The following ANXA6 variants were observed in gnomAD, a reference collection of about 807,000 sequenced individuals.
The protein encoded by ANXA6 is annexin A6.
ANXA6 carries 71 observed loss-of-function variants against 95.4 expected under a neutral mutation model. That is an observed-to-expected ratio of 0.74 (90% CI 0.61 to 0.91). ANXA6 has a LOEUF of 0.91. Among genes scored for constraint, ANXA6 ranks in the 40% least tolerant of loss-of-function variants. The pLI, the probability that ANXA6 is intolerant of heterozygous loss-of-function variation, is 0.00. For synonymous variants in ANXA6, 289 were observed against 315.9 expected, an observed-to-expected ratio of 0.91 and a Z score of 0.90; for missense variants, 830 against 876.4, an observed-to-expected ratio of 0.95 and a Z score of 0.67.
At chr5:151,122,885 G>A in intron 16 of ANXA6, 32 bp downstream of exon 16, 1 of 1,594,382 alleles carries the variant, frequency 6.3e-7, no homozygotes, top group Non-Finnish European at 8.6e-7. Flanking sequence ...GTGCATGCAT[G>A]TTGCACAGAG....
chr5:151,109,920 G>T, intron 21 of ANXA6, 74 bp from the exon 22 acceptor site: 1 of 1,192,086 alleles, frequency 8.4e-7, no homozygotes, highest in Non-Finnish European at 1.2e-6. Context: ...TCACTTTCAT[G>T]TCTTTGCCTG....
chr5:151,105,198 TGTAA>T, intron 24 of ANXA6, 43 bp downstream of exon 24: 1 of 1,543,848 alleles, frequency 6.5e-7, no homozygotes, highest in Admixed American at 1.7e-5. Flanking sequence ...TGTGTGTGTA[TGTAA>T]GTCAGTGCTT....
intron 2 of ANXA6, 82 bp from the exon 3 acceptor site, chr5:151,140,325 A>AC (rs1209962073): frequency 8.5e-7 from 1 of 1,180,056 alleles, no homozygotes; most frequent in Non-Finnish European, 1.2e-6. Context: ...TCAGATGCCT[A>AC]CCCTGGTCCA....
intron 22 of ANXA6, 120 bp downstream of exon 22, chr5:151,109,633 T>C: frequency 2.7e-6 from 2 of 748,572 alleles, no homozygotes; most frequent in Admixed American, 2.1e-5. Flanking sequence ...GACACGCTAC[T>C]GCTGGGTTAA....
At chr5:151,138,289 C>T (rs916165603) in intron 5 of ANXA6, among the ~76,000 whole-genome samples, 8 of 152,174 alleles carry the variant, frequency 5.3e-5, no homozygotes, top group African/African-American at 1.7e-4. Flanking sequence ...CACTGCTATC[C>T]ACCAAATCCT....
In ANXA6 at chr5:151,100,953, C is replaced by T; in HGVS notation, c.*495G>A. The T allele has an allele frequency of 2.2e-6, 1 of 456,828 alleles. No individual in the cohort carries two copies. Among genetic ancestry groups the T allele is most frequent in the South Asian group, 1.5e-5 (1 of 64,574 alleles). 28.3% of individuals were successfully genotyped at this position (456,828 alleles called of 1,614,324 possible). On this transcript the variant is annotated 3_prime_UTR_variant, in exon 26 of 26. Transcript: ENST00000354546. ...GCATCCAAATTCCTGGTCCAGTACT[C>T]TAGCGCGGCCTGGATGGAGATGGGT...
rs776842397 is a variant in ANXA6 at position 151,128,224 on chromosome 5, C to T, written c.934G>A (p.Glu312Lys). 7.4e-6 allele frequency: 12 copies of T among 1,611,544 alleles called. No homozygotes were observed. The highest frequency in any genetic ancestry group is 2.2e-5 in the East Asian group (1 of 44,848). Residue 312 changes from glutamate to lysine, a missense_variant, in exon 13 of 26, where the codon GAG (glutamate) becomes AAG (lysine). Coordinates refer to ENST00000354546, the MANE Select transcript of ANXA6 (RefSeq NM_001155.5). ...YSMIKNDTSGEYKKTLLKLSG... is the reference protein window; with the variant it reads ...YSMIKNDTSGKYKKTLLKLSG... ...AGCTTCAGCAGAGTCTTCTTGTACT[C>T]GCCAGAGGTGTCATTCTGAAGAGAA...
intron 2 of ANXA6, among the ~76,000 whole-genome samples, chr5:151,147,414 C>A (rs1314022850): frequency 6.6e-6 from 1 of 152,220 alleles, no homozygotes; most frequent in Non-Finnish European, 1.5e-5. Context: ...CAATGAGAAC[C>A]AGACCTGGGC....
At chr5:151,123,379 T>A (rs955572839) in intron 15 of ANXA6, among the ~76,000 whole-genome samples, 1 of 152,262 alleles carries the variant, frequency 6.6e-6, no homozygotes, top group South Asian at 2.1e-4. Context: ...GCTGGAGTAG[T>A]CACCAAGGGA....
At chr5:151,112,354 A>T (rs1764873591) in intron 20 of ANXA6, among the ~76,000 whole-genome samples, 1 of 152,228 alleles carries the variant, frequency 6.6e-6, no homozygotes, top group Non-Finnish European at 1.5e-5. Context: ...TACTTAAGAA[A>T]CTGTCGAGAC....
chr5:151,103,736 T>A, intron 24 of ANXA6, 44 bp from the exon 25 acceptor site: 1 of 1,577,996 alleles, frequency 6.3e-7, no homozygotes, highest in Non-Finnish European at 8.6e-7. Context: ...GAAGGAGAGA[T>A]AGAGCCCAGT....
At position 151,133,205 on chromosome 5, in the gene ANXA6, G is replaced by T; in HGVS notation, c.547-18C>A. On this transcript the variant is annotated intron_variant, in intron 8 of 25. Transcript: ENST00000354546. ...TATAGGTCCTGAAGGGGAAGAGGTG[G>T]CACTTGACTGAAAGAGGAAACCTCA... 6.5e-7 allele frequency: 1 copy of T among 1,543,404 alleles called. No homozygotes were observed. Among genetic ancestry groups the T allele is most frequent in the Non-Finnish European group, 8.8e-7 (1 of 1,136,228 alleles).
At chr5:151,106,724 C>G (rs987640230) in intron 23 of ANXA6, among the ~76,000 whole-genome samples, 1 of 152,176 alleles carries the variant, frequency 6.6e-6, no homozygotes, top group Non-Finnish European at 1.5e-5. Flanking sequence ...CTCCAGGAAG[C>G]CTTCCCTGAC....
intron 8 of ANXA6, among the ~76,000 whole-genome samples, chr5:151,133,497 G>T (rs886287665): frequency 5.9e-5 from 9 of 152,168 alleles, no homozygotes. Context: ...CCTGTTCAGC[G>T]TGTTATCTTA....
intron 20 of ANXA6, among the ~76,000 whole-genome samples, chr5:151,110,863 CGG>C (rs1194039796): frequency 1.3e-5 from 2 of 152,056 alleles, no homozygotes; most frequent in Non-Finnish European, 2.9e-5. Flanking sequence ...GCTCAGAATG[CGG>C]ATAGGCCTGG....
chr5:151,117,716 T>C (rs939007440), intron 19 of ANXA6, 42 bp downstream of exon 19: 1 of 1,557,424 alleles, frequency 6.4e-7, no homozygotes. Context: ...CTCCCAGGCC[T>C]CCCGATGGGC....
intron 1 of ANXA6, among the ~76,000 whole-genome samples, chr5:151,149,392 T>G (rs1335010375): frequency 6.6e-6 from 1 of 152,086 alleles, no homozygotes; most frequent in Non-Finnish European, 1.5e-5. Context: ...TAATGAGCAC[T>G]CAGGAGGGCA....
intron 25 of ANXA6, among the ~76,000 whole-genome samples, chr5:151,102,302 GAC>G (rs34262252): frequency 0.042 from 6,324 of 152,270 alleles, 140 homozygotes; most frequent in South Asian, 0.075. Context: ...GTCTGTAAGA[GAC>G]TGCCTCTGAG....
chr5:151,136,434 AATT>A, intron 6 of ANXA6, 99 bp from the exon 7 acceptor site: 1 of 1,207,720 alleles, frequency 8.3e-7, no homozygotes, highest in Non-Finnish European at 1.2e-6. Context: ...TATTTTTAAG[AATT>A]CCAAAACCCA....
Sources: allele counts gnomAD v4.1 joint callset (sites outside exome capture counted in the v4.1 genomes callset), GRCh38; gene constraint gnomAD v4.1.1; transcripts MANE v1.5; gene names NCBI Gene and HGNC (gene_info 2026-07-23, HGNC 2026-07-21).